UBAC2: variants seen among roughly 807,000 people sequenced by gnomAD.
UBAC2 encodes UBA domain containing 2.
UBAC2 carries 26 observed loss-of-function variants against 44.0 expected under a neutral mutation model. That is an observed-to-expected ratio of 0.59 (90% CI 0.43 to 0.82). The LOEUF (loss-of-function observed/expected upper bound fraction) is 0.82. UBAC2 is among the 40% of genes least tolerant of loss of function. The pLI is 0.00. For synonymous variants in UBAC2, 155 were observed against 154.3 expected, an observed-to-expected ratio of 1.00 and a Z score of -0.04; for missense variants, 329 against 419.4, an observed-to-expected ratio of 0.78 and a Z score of 1.88.
chr13:99,326,359 A>C (rs2044640941), intron 6 of UBAC2, among the ~76,000 whole-genome samples: 1 of 152,088 alleles, frequency 6.6e-6, no homozygotes, highest in Non-Finnish European at 1.5e-5. Context: ...ATGTCTGTTT[A>C]GGTCCTTAGC....
At chr13:99,243,660 T>C (rs1324067642) in intron 2 of UBAC2, among the ~76,000 whole-genome samples, 172 bp from the exon 3 acceptor site, 1 of 152,198 alleles carries the variant, frequency 6.6e-6, no homozygotes, top group Admixed American at 6.5e-5. Context: ...GAATTTTTAC[T>C]ATGAGAGACT....
At chr13:99,363,356 C>T (rs2138885136) in intron 7 of UBAC2, among the ~76,000 whole-genome samples, 1 of 152,316 alleles carries the variant, frequency 6.6e-6, no homozygotes, top group South Asian at 2.1e-4. Context: ...AAAATATACA[C>T]ATGTGCATAC....
Position 99,295,623 on chromosome 13 carries a change from CCTG to C in UBAC2, c.390-18471_390-18469del. 2 of 1,614,150 alleles carry C rather than the reference CCTG, an allele frequency of 1.2e-6. No homozygotes were observed. Among genetic ancestry groups the C allele is most frequent in the Non-Finnish European group, 1.7e-6 (2 of 1,180,032 alleles). ...TCCATGCATGTAATCCTTTCAGCCT[CCTG>C]CTTTGACATAGGGTTGATGAGGAGT... On this transcript the variant is annotated intron_variant, in intron 4 of 8. Transcript: ENST00000403766. The surrounding 1 kb of genome is among the most constrained non-coding windows in gnomAD (Gnocchi z 4.1).
intron 6 of UBAC2, among the ~76,000 whole-genome samples, chr13:99,318,376 A>T (rs546160042): frequency 6.6e-6 from 1 of 151,728 alleles, no homozygotes; most frequent in African/African-American, 2.4e-5. Context: ...CATGTTGGTC[A>T]GGCTGGTCTC....
chr13:99,341,373 G>A (rs2044883751), intron 7 of UBAC2, among the ~76,000 whole-genome samples: 1 of 117,000 alleles, frequency 8.5e-6, no homozygotes, highest in Non-Finnish European at 1.9e-5. Context: ...TCAGGTTTGA[G>A]GTCCTTAGAG....
chr13:99,330,959 AT>A (rs2044708406), intron 6 of UBAC2, among the ~76,000 whole-genome samples: 1 of 152,224 alleles, frequency 6.6e-6, no homozygotes, highest in Non-Finnish European at 1.5e-5. Flanking sequence ...TAAAATGGAT[AT>A]TAGAAGGTGT....
chr13:99,201,372 C>A (rs1434605928), intron 1 of UBAC2: 2 of 1,585,188 alleles, frequency 1.3e-6, no homozygotes, highest in Non-Finnish European at 1.7e-6. Flanking sequence ...TTGCAAAGTT[C>A]AGCCTCCGCT....
chr13:99,210,812 G>A (rs1050412595), intron 1 of UBAC2, among the ~76,000 whole-genome samples: 3 of 151,918 alleles, frequency 2.0e-5, no homozygotes, highest in Non-Finnish European at 2.9e-5. Context: ...GGGTTTCACC[G>A]TGTTGGCCAG....
intron 6 of UBAC2, among the ~76,000 whole-genome samples, chr13:99,331,103 G>A (rs2181501): frequency 0.99 from 150,303 of 152,354 alleles, 74,159 homozygotes; most frequent in East Asian, 1. Context: ...CTGAGATCAC[G>A]TATCTCTTAT....
chr13:99,338,437 C>T (rs1345106473), intron 6 of UBAC2, among the ~76,000 whole-genome samples: 1 of 152,178 alleles, frequency 6.6e-6, no homozygotes, highest in Non-Finnish European at 1.5e-5. Context: ...GCCCACAGGC[C>T]TCAGGTTGAA....
intron 8 of UBAC2, among the ~76,000 whole-genome samples, chr13:99,371,109 A>G (rs2045400336): frequency 1.3e-5 from 2 of 152,134 alleles, no homozygotes; most frequent in Non-Finnish European, 2.9e-5. Context: ...AAAAGTGTCA[A>G]AAAGGGAGTG....
In UBAC2 at chr13:99,314,483, T is replaced by C. The variant is rs934639728; in HGVS notation, c.513+263T>C. Among the ~76,000 whole-genome samples the C allele has an allele frequency of 5.9e-5, 9 of 152,312 alleles. No homozygotes were observed. In the Middle Eastern group the frequency reaches 0.014, roughly 230 times the overall value. On this transcript the variant is annotated intron_variant, in intron 5 of 8. Coordinates refer to ENST00000403766, the MANE Select transcript of UBAC2 (RefSeq NM_001144072.2). ...TTGTATCTGTGGAAAATATTTTCAT[T>C]TCATTGTACAATTGCATGTGCGTAC...
At chr13:99,294,908 G>T in intron 4 of UBAC2, 1 of 726,084 alleles carries the variant, frequency 1.4e-6, no homozygotes, top group Non-Finnish European at 2.2e-6. Flanking sequence ...GTTCTCTTGG[G>T]CTTACTTCCG....
intron 2 of UBAC2, among the ~76,000 whole-genome samples, chr13:99,242,746 C>CT (rs1240070888): frequency 7.6e-6 from 1 of 131,474 alleles, no homozygotes; most frequent in Non-Finnish European, 1.6e-5. Context: ...CCCCACCTCT[C>CT]TCCCGGACGG....
At chr13:99,324,083 C>CA (rs2044605007) in intron 6 of UBAC2, among the ~76,000 whole-genome samples, 1 of 152,190 alleles carries the variant, frequency 6.6e-6, no homozygotes, top group Non-Finnish European at 1.5e-5. Context: ...AATCCATTCC[C>CA]AAACATCCAC....
chr13:99,367,666 G>A (rs1338983386), intron 7 of UBAC2, 121 bp from the exon 8 acceptor site: 1 of 1,356,372 alleles, frequency 7.4e-7, no homozygotes, highest in African/African-American at 1.4e-5. Flanking sequence ...GCATAGAGCG[G>A]ATCAATATGA....
chr13:99,343,209 T>G (rs2044919571), intron 7 of UBAC2, among the ~76,000 whole-genome samples: 1 of 152,242 alleles, frequency 6.6e-6, no homozygotes, highest in African/African-American at 2.4e-5. Context: ...TCTCCACTGC[T>G]GACCACATGC....
chr13:99,224,214 A>G (rs1237268750), intron 1 of UBAC2, among the ~76,000 whole-genome samples: 2 of 152,134 alleles, frequency 1.3e-5, no homozygotes, highest in Non-Finnish European at 2.9e-5. Flanking sequence ...GTGTCATCAC[A>G]TGGTCTTTCC....
At chr13:99,338,039 C>CTTTTTTCTTTTTTCTTTTTTT (rs1566509471) in intron 6 of UBAC2, among the ~76,000 whole-genome samples, 2 of 91,562 alleles carry the variant, frequency 2.2e-5, no homozygotes, top group African/African-American at 1.0e-4. Flanking sequence ...AACTTTTTTT[C>CTTTTTTCTTTTTTCTTTTTTT]TTTTTTTCTT....
Sources: allele counts gnomAD v4.1 joint callset (sites outside exome capture counted in the v4.1 genomes callset), GRCh38; gene constraint gnomAD v4.1.1; non-coding constraint Gnocchi (gnomAD v3.1); transcripts MANE v1.5; gene names NCBI Gene and HGNC (gene_info 2026-07-23, HGNC 2026-07-21).